BBS4: variants seen among roughly 807,000 people sequenced by gnomAD.
BBS4 encodes BBSome complex member BBS4.
BBS4 carries 58 observed loss-of-function variants against 71.4 expected under a neutral mutation model. The ratio of observed to expected loss-of-function variants is 0.81; its 90% CI spans 0.66 to 1.01. BBS4 has a LOEUF of 1.01. BBS4 is among the 50% of genes least tolerant of loss of function. BBS4 has a pLI of 0.00. For synonymous variants in BBS4, 228 were observed against 216.8 expected (o/e 1.05, Z -0.46); for missense variants, 660 against 607.9 (o/e 1.09, Z -0.90).
intron 2 of BBS4, among the ~76,000 whole-genome samples, chr15:72,700,980 A>C (rs2065159786): frequency 6.6e-6 from 1 of 152,176 alleles, no homozygotes; most frequent in African/African-American, 2.4e-5. Context: ...TGAAATATAT[A>C]TACAGAAAAG....
Position 72,709,716 on chromosome 15 carries a change from T to C in BBS4, c.93T>C (p.Ile31=), listed in dbSNP as rs1317502363. Reference sequence around the variant, plus strand: ...GCTGCCTAGCTCCAGAGTTTCCTATTTTGGAGAAGCAGAACTGGTTGATTC... The same window carrying C: ...GCTGCCTAGCTCCAGAGTTTCCTATCTTGGAGAAGCAGAACTGGTTGATTC... The part of the protein sequence containing the change: ...PRQKKAPEFP[I]LEKQNWLIHL... The change falls in exon 3 of 16, where the codon ATT becomes ATC. Residue 31 remains isoleucine, a synonymous_variant. Coordinates refer to ENST00000268057, the MANE Select transcript of BBS4 (RefSeq NM_033028.5). 6.2e-7 allele frequency: 1 copy of C among 1,613,462 alleles called. No individual in the cohort carries two copies. The highest frequency in any genetic ancestry group is 1.3e-5 in the African/African-American group (1 of 75,032).
At chr15:72,719,970 C>G (rs928131489) in intron 6 of BBS4, among the ~76,000 whole-genome samples, 7 of 151,700 alleles carry the variant, frequency 4.6e-5, no homozygotes, top group Non-Finnish European at 8.8e-5. Flanking sequence ...AGGCTGGTCT[C>G]GAGCTCCTGA....
At chr15:72,697,690 A>C (rs1179034401) in intron 2 of BBS4, among the ~76,000 whole-genome samples, 1 of 152,228 alleles carries the variant, frequency 6.6e-6, no homozygotes, top group Non-Finnish European at 1.5e-5. Flanking sequence ...TTATTTGAAC[A>C]AGTAGCAATT....
At chr15:72,696,677 CA>C (rs2065082266) in intron 2 of BBS4, among the ~76,000 whole-genome samples, 2 of 152,116 alleles carry the variant, frequency 1.3e-5, no homozygotes, top group Non-Finnish European at 2.9e-5. Flanking sequence ...TAGCTCACTG[CA>C]ACCTGAAACT....
At chr15:72,718,500 C>G (rs1595931320) in intron 6 of BBS4, among the ~76,000 whole-genome samples, 1 of 152,268 alleles carries the variant, frequency 6.6e-6, no homozygotes, top group East Asian at 1.9e-4. Flanking sequence ...GCATGGATTT[C>G]CTTTGCAGTT....
chr15:72,696,150 G>A (rs1175896978), intron 2 of BBS4, among the ~76,000 whole-genome samples: 1 of 152,140 alleles, frequency 6.6e-6, no homozygotes, highest in East Asian at 1.9e-4. Flanking sequence ...TTTGATTTGT[G>A]TATTTTGAAG....
intron 1 of BBS4, among the ~76,000 whole-genome samples, chr15:72,688,409 A>ATTTTTTTTTTTTTTTTTTTTTT (rs1188469848): frequency 8.3e-5 from 2 of 24,118 alleles, no homozygotes; most frequent in Non-Finnish European, 9.8e-5. Context: ...GTGGTATTTT[A>ATTTTTTTTTTTTTTTTTTTTTT]TCTTTTTTTT....
chr15:72,729,729 A>G (rs776366931), intron 10 of BBS4, 45 bp downstream of exon 10: 17 of 1,533,008 alleles, frequency 1.1e-5, no homozygotes, highest in Non-Finnish European at 1.5e-5. Context: ...AGACGGTCCC[A>G]CTGCTCCTAG....
rs373214822 is a variant in BBS4 at position 72,722,831 on chromosome 15, T to A, written c.443T>A (p.Leu148Gln). ...AACCTAGGAGTTTGCTACATATACC[T>A]GAAGCAGTTCAACAAGGTAATTTAT... ...SHNLGVCYIY[L>Q]KQFNKAQDQL... Residue 148 changes from leucine (L) to glutamine (Q), a missense_variant, in exon 7 of 16, where the codon CTG (leucine) becomes CAG (glutamine). Transcript: ENST00000268057. 30 of 1,613,670 alleles carry A rather than the reference T, an allele frequency of 1.9e-5. No individual in the cohort carries two copies. The highest frequency in any genetic ancestry group is 2.5e-5 in the Non-Finnish European group (29 of 1,179,824).
chr15:72,715,163 A>G, intron 4 of BBS4, 128 bp from the exon 5 acceptor site: 2 of 706,848 alleles, frequency 2.8e-6, no homozygotes, highest in Non-Finnish European at 5.0e-6. Flanking sequence ...TGTTTTAAGG[A>G]TACAGTTGTC....
chr15:72,733,374 T>A (rs77729656), intron 12 of BBS4, among the ~76,000 whole-genome samples: 506 of 152,144 alleles, frequency 3.3e-3, no homozygotes, highest in African/African-American at 0.011. Context: ...GGGGATTAGT[T>A]GTACAGATTA....
chr15:72,711,059 C>T (rs2065361592), intron 3 of BBS4, among the ~76,000 whole-genome samples: 1 of 151,758 alleles, frequency 6.6e-6, no homozygotes, highest in African/African-American at 2.4e-5. Flanking sequence ...CCTCAGCCTC[C>T]CAAAGTGCTG....
At position 72,707,177 on chromosome 15, in the gene BBS4, C is replaced by CTT. The variant is rs756415809; in HGVS notation, c.77-2520_77-2519dup. Among the ~76,000 whole-genome samples the CTT allele has an allele frequency of 3.3e-4, 44 of 132,426 alleles. 4 individuals are homozygous for CTT. Among genetic ancestry groups the CTT allele is most frequent in the South Asian group, 1.2e-3 (5 of 4,106 alleles). 86.9% of individuals were successfully genotyped at this position (132,426 alleles called of 152,430 possible). The stretch of plus-strand genomic sequence containing the variant: ...GCTCTTCCCTTTCTTTTCCTTTTTT[C>CTT]TTTTCTTTTTTTTTTTTTGGAGACA... On this transcript the variant is annotated intron_variant, in intron 2 of 15. Transcript: ENST00000268057.
rs1251827333 is a variant in BBS4 at position 72,712,268 on chromosome 15, G to A, written c.181G>A (p.Glu61Lys). ...GGCTGTTATCAAAGAACAGCTTCAA[G>A]AGACTCAGGGATTGTGTGAATATGC... ...CKAVIKEQLQETQGLCEYAIY... is the reference protein window; with the variant it reads ...CKAVIKEQLQKTQGLCEYAIY... The change falls in exon 4 of 16, where the codon GAG becomes AAG. Residue 61 changes from glutamate (E) to lysine (K), a missense_variant. Glu to Lys is a moderately conservative substitution (Grantham distance 56). Transcript: ENST00000268057. The A allele has an allele frequency of 6.2e-7, 1 of 1,614,120 alleles. No homozygotes were observed. Among genetic ancestry groups the A allele is most frequent in the Admixed American group, 1.7e-5 (1 of 60,012 alleles).
At chr15:72,733,880 A>G (rs1249188164) in intron 12 of BBS4, among the ~76,000 whole-genome samples, 1 of 152,078 alleles carries the variant, frequency 6.6e-6, no homozygotes, top group Admixed American at 6.6e-5. Context: ...ACTAATTTAC[A>G]CTCCCATCAA....
At position 72,737,523 on chromosome 15, in the gene BBS4, TG is replaced by T; in HGVS notation, c.1498del (p.Glu500SerfsTer17). The T allele has an allele frequency of 6.2e-7, 1 of 1,613,226 alleles. No individual in the cohort carries two copies. The highest frequency in any genetic ancestry group is 1.1e-5 in the South Asian group (1 of 90,734). The part of the protein sequence containing the change: ...SQFTKPPSLP[L>X]EPEPAVESSP... ...TTCACAAAGCCCCCATCTCTTCCTC[TG>T]GAGCCAGAGCCTGCGGTGGAATCAA... On this transcript the variant is annotated frameshift_variant, in exon 16 of 16. Coordinates refer to ENST00000268057, the MANE Select transcript of BBS4 (RefSeq NM_033028.5). LOFTEE classifies it high-confidence loss of function.
chr15:72,699,133 G>A (rs1459578829), intron 2 of BBS4, among the ~76,000 whole-genome samples: 1 of 151,916 alleles, frequency 6.6e-6, no homozygotes, highest in African/African-American at 2.4e-5. Context: ...TGATTAAATG[G>A]ATGAGCTAAG....
At chr15:72,714,220 C>CTTTTTT (rs58123834) in intron 4 of BBS4, among the ~76,000 whole-genome samples, 11 of 98,446 alleles carry the variant, frequency 1.1e-4, no homozygotes, top group Non-Finnish European at 1.5e-4. Context: ...CACTCACTTA[C>CTTTTTT]TTTTTTTTTT....
rs58123834 is a variant in BBS4, at chr15:72,714,220, CTTTT to C, written c.221-1051_221-1048del. On this transcript the variant is annotated intron_variant, in intron 4 of 15. Transcript: ENST00000268057. ...ACCAAAGATAAGGACCACTCACTTA[CTTTT>C]TTTTTTTTTTTTTTTTTTTGAGACA... Among the ~76,000 whole-genome samples the C allele has an allele frequency of 1.4e-4, 14 of 98,482 alleles. No homozygotes were observed. In the East Asian group the frequency reaches 3.7e-3, roughly 26 times the overall value. 64.6% of individuals were successfully genotyped at this position (98,482 alleles called of 152,430 possible).
Sources: allele counts gnomAD v4.1 joint callset (sites outside exome capture counted in the v4.1 genomes callset), GRCh38; gene constraint gnomAD v4.1.1; transcripts MANE v1.5; gene names NCBI Gene and HGNC (gene_info 2026-07-23, HGNC 2026-07-21).